DNM3: variants seen among roughly 807,000 people sequenced by gnomAD.
DNM3 encodes dynamin 3.
In DNM3, 47 loss-of-function variants were observed where a neutral mutation model predicts 101.6. The observed-to-expected ratio is 0.46, with a 90% CI of 0.37 to 0.59. The LOEUF is 0.59. DNM3 is among the 20% of genes least tolerant of loss of function. The probability of loss-of-function intolerance (pLI) is 0.00; values close to 1 mark genes in which losing one functional copy is unlikely to be tolerated. For synonymous variants in DNM3, 385 were observed against 387.9 expected, an observed-to-expected ratio of 0.99 and a Z score of 0.09; for missense variants, 849 against 1,085.7, an observed-to-expected ratio of 0.78 and a Z score of 3.06.
intron 1 of DNM3, among the ~76,000 whole-genome samples, chr1:171,851,453 C>T (rs557913927): frequency 3.9e-5 from 6 of 152,262 alleles, no homozygotes; most frequent in Admixed American, 2.6e-4. Flanking sequence ...TCTGTCGTCC[C>T]GGCTGAAGTG....
At chr1:172,098,011 C>T (rs186660470) in intron 13 of DNM3, among the ~76,000 whole-genome samples, 1 of 152,156 alleles carries the variant, frequency 6.6e-6, no homozygotes, top group Admixed American at 6.5e-5. Flanking sequence ...CAAATGGAGG[C>T]AGGGTGAGAT....
chr1:171,876,053 C>T (rs1490407342), intron 1 of DNM3, among the ~76,000 whole-genome samples: 2 of 151,942 alleles, frequency 1.3e-5, no homozygotes, highest in African/African-American at 4.8e-5. Flanking sequence ...TTGTGATCCG[C>T]CCCCCTCGGC....
At chr1:172,111,494 T>C (rs2055475776) in intron 13 of DNM3, among the ~76,000 whole-genome samples, 1 of 152,258 alleles carries the variant, frequency 6.6e-6, no homozygotes, top group Non-Finnish European at 1.5e-5. Context: ...ACAAAATCTA[T>C]TTGAATTTAG....
At chr1:172,222,642 A>G (rs2060949881) in intron 14 of DNM3, among the ~76,000 whole-genome samples, 1 of 152,178 alleles carries the variant, frequency 6.6e-6, no homozygotes, top group Non-Finnish European at 1.5e-5. Flanking sequence ...TGGGCTGAGA[A>G]TTGGATATGT....
At chr1:171,962,117 C>G (rs1229349748) in intron 2 of DNM3, among the ~76,000 whole-genome samples, 1 of 152,150 alleles carries the variant, frequency 6.6e-6, no homozygotes, top group Non-Finnish European at 1.5e-5. Context: ...TTAGTTTCAT[C>G]CTCATGGTAA....
intron 4 of DNM3, among the ~76,000 whole-genome samples, chr1:172,028,497 G>A (rs919545322): frequency 2.4e-4 from 36 of 151,952 alleles, no homozygotes; most frequent in African/African-American, 7.7e-4. Context: ...CTAACATCAC[G>A]ATTAAAAGAA....
chr1:172,225,692 T>C (rs967599329), intron 14 of DNM3, among the ~76,000 whole-genome samples: 1 of 152,024 alleles, frequency 6.6e-6, no homozygotes, highest in African/African-American at 2.4e-5. Context: ...AGATGGAGTT[T>C]ACAGTGAGGT....
chr1:171,910,959 A>G (rs1007009640), intron 1 of DNM3, among the ~76,000 whole-genome samples: 7 of 152,228 alleles, frequency 4.6e-5, no homozygotes, highest in Non-Finnish European at 7.3e-5. Context: ...CAATAAAGAA[A>G]GAGGCATTAG....
intron 12 of DNM3, among the ~76,000 whole-genome samples, chr1:172,092,557 C>G (rs1307865889): frequency 5.9e-5 from 9 of 152,162 alleles, no homozygotes. Context: ...GCAAATATGT[C>G]AACTCGTATG....
Position 172,115,341 on chromosome 1 carries a change from G to A in DNM3, c.1546-15834G>A, listed in dbSNP as rs534123847. 3.3e-5 allele frequency among the ~76,000 whole-genome samples: 5 copies of A among 152,118 alleles called. No individual in the cohort carries two copies. In the South Asian group the frequency reaches 8.3e-4, roughly 25 times the overall value. ...GCCCATTACCACCACCCTGCTCAAAGCTCCATCATCTCTCACCTGGGTTAT... is the reference window on the plus strand; with the variant it reads ...GCCCATTACCACCACCCTGCTCAAAACTCCATCATCTCTCACCTGGGTTAT... On this transcript the variant is annotated intron_variant, in intron 13 of 20. Transcript: ENST00000627582.
rs74126032 is a variant in DNM3, at chr1:172,172,215, G to A, written c.1659+40927G>A. 6.4e-3 allele frequency among the ~76,000 whole-genome samples: 967 copies of A among 151,740 alleles called. 15 individuals carry two copies. Among genetic ancestry groups the A allele is most frequent in the African/African-American group, 0.022 (904 of 41,458 alleles). ...GGAAGCCCAAGTTCTTCATAGGTGT[G>A]TCTCCAGGCCTTCACTTATTCATTT... On this transcript the variant is annotated intron_variant, in intron 14 of 20. Coordinates refer to ENST00000627582, the MANE Select transcript of DNM3 (RefSeq NM_015569.5).
At chr1:172,208,259 T>C (rs1213127997) in intron 14 of DNM3, among the ~76,000 whole-genome samples, 1 of 152,154 alleles carries the variant, frequency 6.6e-6, no homozygotes, top group African/African-American at 2.4e-5. Context: ...GATCTACTTC[T>C]AAAATCAGTC....
chr1:172,368,384 A>G (rs1302653211), intron 17 of DNM3, among the ~76,000 whole-genome samples: 2 of 152,002 alleles, frequency 1.3e-5, no homozygotes, highest in African/African-American at 2.4e-5. Context: ...CCAAAGGGTA[A>G]ATTAAGAAAT....
At chr1:172,064,877 G>C (rs1176750040) in intron 10 of DNM3, among the ~76,000 whole-genome samples, 3 of 152,102 alleles carry the variant, frequency 2.0e-5, no homozygotes, top group African/African-American at 7.2e-5. Context: ...AGTTCTTCTA[G>C]TGTGTTCTCT....
chr1:172,378,419 C>G (rs988794866), intron 17 of DNM3, among the ~76,000 whole-genome samples: 3 of 152,038 alleles, frequency 2.0e-5, no homozygotes, highest in African/African-American at 7.2e-5. Flanking sequence ...ACAATGGAGC[C>G]AGTCTTTAGT....
Position 172,281,261 on chromosome 1 carries a change from C to T in DNM3, c.1770-27467C>T, listed in dbSNP as rs143257466. 4.8e-3 allele frequency among the ~76,000 whole-genome samples: 727 copies of T among 152,022 alleles called. 3 individuals carry two copies. The highest frequency in any genetic ancestry group is 0.017 in the African/African-American group (685 of 41,450). On this transcript the variant is annotated intron_variant, in intron 15 of 20. Coordinates refer to ENST00000627582, the MANE Select transcript of DNM3 (RefSeq NM_015569.5). ...GATTGAAAGGAGGTAAGGTAAGACA[C>T]GGAAAGGAACTGAGGAGATTGCTGA...
At chr1:172,072,352 A>G (rs746355017) in intron 11 of DNM3, among the ~76,000 whole-genome samples, 21 of 152,190 alleles carry the variant, frequency 1.4e-4, no homozygotes, top group Admixed American at 3.9e-4. Flanking sequence ...TATTGACCTA[A>G]TAGCCCCCAT....
At chr1:171,964,395 C>T (rs1431660367) in intron 2 of DNM3, among the ~76,000 whole-genome samples, 2 of 152,154 alleles carry the variant, frequency 1.3e-5, no homozygotes, top group Admixed American at 6.5e-5. Flanking sequence ...TTTAGATAAA[C>T]TTTCAACCAA....
chr1:172,165,467 G>A (rs1449289972), intron 14 of DNM3, among the ~76,000 whole-genome samples: 1 of 152,028 alleles, frequency 6.6e-6, no homozygotes, highest in Non-Finnish European at 1.5e-5. Context: ...ATAGGTTGCA[G>A]TTCAAATTTG....
Sources: allele counts gnomAD v4.1 joint callset (sites outside exome capture counted in the v4.1 genomes callset), GRCh38; gene constraint gnomAD v4.1.1; transcripts MANE v1.5; gene names NCBI Gene and HGNC (gene_info 2026-07-23, HGNC 2026-07-21).